TTYH3: variants seen among roughly 807,000 people sequenced by gnomAD.
The protein encoded by TTYH3 is tweety family member 3.
Under a neutral mutation model 68.2 loss-of-function variants are expected in TTYH3, and 23 were observed. The ratio of observed to expected loss-of-function variants is 0.34; its 90% confidence interval spans 0.24 to 0.48. TTYH3 has a LOEUF of 0.48. TTYH3 is among the 20% of genes least tolerant of loss of function. TTYH3 has a pLI of 0.99. For synonymous variants in TTYH3, 360 were observed against 332.8 expected, an observed-to-expected ratio of 1.08 and a Z score of -0.89; for missense variants, 768 against 727.7, an observed-to-expected ratio of 1.06 and a Z score of -0.64.
chr7:2,649,701 G>A (rs1327512288), intron 6 of TTYH3, 62 bp downstream of exon 6: 21 of 1,550,656 alleles, frequency 1.4e-5, no homozygotes, highest in Non-Finnish European at 1.6e-5. Context: ...GAGGGACGAG[G>A]GGAAGCCACA....
chr7:2,661,123 C>T (rs901679035), intron 13 of TTYH3, among the ~76,000 whole-genome samples: 2 of 152,216 alleles, frequency 1.3e-5, no homozygotes, highest in Admixed American at 1.3e-4. Flanking sequence ...AAGGGGCCCT[C>T]CTTCCATGGC....
intron 1 of TTYH3, among the ~76,000 whole-genome samples, chr7:2,640,021 G>T (rs1785793008): frequency 2.0e-5 from 3 of 152,060 alleles, no homozygotes; most frequent in East Asian, 1.9e-4. Flanking sequence ...ACCCGCCCCC[G>T]CTGTGTGACT....
intron 1 of TTYH3, among the ~76,000 whole-genome samples, chr7:2,641,785 C>T (rs904102646): frequency 3.3e-5 from 5 of 152,240 alleles, no homozygotes; most frequent in African/African-American, 1.2e-4. Context: ...GGTGCAGAGG[C>T]CAGGCTGGCC....
chr7:2,658,415 G>T lies in TTYH3; in HGVS notation c.1380G>T (p.Pro460=), dbSNP rs750927932. 6.2e-7 allele frequency: 1 copy of T among 1,612,184 alleles called. No individual in the cohort carries two copies. The highest frequency in any genetic ancestry group is 1.3e-5 in the African/African-American group (1 of 74,924). ...GCTACGGCAGTGAGACCAGCATCCC[G>T]GCCGCGGCCCACACCGTCAGCAACG... is the stretch of plus-strand genomic sequence containing the variant. ...GSSYGSETSI[P]AAAHTVSNAP... is the part of the protein sequence containing the mutation. Residue 460 remains proline, a synonymous_variant, in exon 12 of 14, where the codon CCG becomes CCT. Coordinates refer to ENST00000258796, the MANE Select transcript of TTYH3 (RefSeq NM_025250.3).
chr7:2,638,431 G>A lies in TTYH3; in HGVS notation c.123+6153G>A, dbSNP rs572521103. On this transcript the variant is annotated intron_variant, in intron 1 of 13. Transcript: ENST00000258796. ...GTGCAGGAAAGGGGCCCGGCCTGTGGGGAGACGGGCAGGAGCGGCTCTGAG... is the reference window on the plus strand; with the variant it reads ...GTGCAGGAAAGGGGCCCGGCCTGTGAGGAGACGGGCAGGAGCGGCTCTGAG... Among the ~76,000 whole-genome samples the A allele has an allele frequency of 4.6e-5, 7 of 152,244 alleles. No homozygotes were observed. In the South Asian group the frequency reaches 1.5e-3, roughly 32 times the overall value.
intron 1 of TTYH3, among the ~76,000 whole-genome samples, chr7:2,636,856 C>G (rs1785690109): frequency 6.6e-6 from 1 of 152,102 alleles, no homozygotes; most frequent in Non-Finnish European, 1.5e-5. Context: ...TCAAGGGTTC[C>G]TATATCTGGG....
chr7:2,632,202 A>T lies in TTYH3; in HGVS notation c.47A>T (p.His16Leu). 1.3e-6 allele frequency: 2 copies of T among 1,560,758 alleles called. No individual in the cohort carries two copies. Among genetic ancestry groups the T allele is most frequent in the Non-Finnish European group, 1.7e-6 (2 of 1,152,480 alleles). The change falls in exon 1 of 14, where the codon CAC becomes CTC. Residue 16 changes from histidine to leucine, a missense_variant. By Grantham distance (99) the His-to-Leu change is moderately conservative. Transcript: ENST00000258796. ...GCGCCCTGGTGGGTGAGCCTCCTGCACCGGCTGCCCCACTTCGACCTGAGC... is the reference window on the plus strand; with the variant it reads ...GCGCCCTGGTGGGTGAGCCTCCTGCTCCGGCTGCCCCACTTCGACCTGAGC... ...YAAPWWVSLL[H>L]RLPHFDLSWE...
chr7:2,658,070 C>T (rs1786385248), intron 11 of TTYH3, among the ~76,000 whole-genome samples: 1 of 152,236 alleles, frequency 6.6e-6, no homozygotes, highest in South Asian at 2.1e-4. Flanking sequence ...GCCTGGCACT[C>T]GGGTGACCAC....
chr7:2,654,620 G>A (rs11980948), intron 9 of TTYH3, among the ~76,000 whole-genome samples: 4,638 of 152,198 alleles, frequency 0.03, 240 homozygotes, highest in African/African-American at 0.11. Context: ...CAGCAGCCCA[G>A]ATGGGGCAGC....
intron 11 of TTYH3, 101 bp downstream of exon 11, chr7:2,656,635 A>G (rs926413177): frequency 5.6e-6 from 8 of 1,427,296 alleles, no homozygotes; most frequent in Non-Finnish European, 7.4e-6. Flanking sequence ...CCAGTCCCAG[A>G]GGTGAGGGAC....
chr7:2,649,606 G>A lies in TTYH3; in HGVS notation c.762G>A (p.Trp254Ter). Residue 254 changes from tryptophan (W) to a stop codon, truncating the protein, a stop_gained, in exon 6 of 14, where the codon TGG becomes TGA. Coordinates refer to ENST00000258796, the MANE Select transcript of TTYH3 (RefSeq NM_025250.3). LOFTEE classifies it high-confidence loss of function. Reference sequence around the variant, plus strand: ...GAGTCCTGGCCCTGGTCATCAGCTGGGGCGCGCTGGGCTTGGAGCTGGCTG... The same window carrying A: ...GAGTCCTGGCCCTGGTCATCAGCTGAGGCGCGCTGGGCTTGGAGCTGGCTG... ...LLGVLALVIS[W>*]GALGLELAVS... 1 of 1,598,630 alleles carries A rather than the reference G, an allele frequency of 6.3e-7. No homozygotes were observed.
intron 1 of TTYH3, among the ~76,000 whole-genome samples, chr7:2,640,025 TG>T (rs935315915): frequency 3.9e-5 from 6 of 152,086 alleles, no homozygotes; most frequent in African/African-American, 1.4e-4. Flanking sequence ...GCCCCCGCTG[TG>T]TGACTGTGGA....
intron 1 of TTYH3, among the ~76,000 whole-genome samples, chr7:2,641,571 C>G (rs2114978358): frequency 6.6e-6 from 1 of 152,374 alleles, no homozygotes; most frequent in East Asian, 1.9e-4. Context: ...CGAGCCCTTA[C>G]ATCACTTCCA....
At chr7:2,653,151 G>A (rs998074434) in intron 9 of TTYH3, 141 bp downstream of exon 9, 7 of 684,460 alleles carry the variant, frequency 1.0e-5, no homozygotes, top group Non-Finnish European at 1.7e-5. Context: ...TGTTGGAGGT[G>A]GCATGGGAGG....
At chr7:2,646,819 C>T in intron 1 of TTYH3, 34 bp from the exon 2 acceptor site, 8 of 1,575,062 alleles carry the variant, frequency 5.1e-6, no homozygotes, top group Non-Finnish European at 6.9e-6. Flanking sequence ...GCTGGGGGTC[C>T]ACCCCTCCAG....
intron 1 of TTYH3, among the ~76,000 whole-genome samples, chr7:2,634,873 C>T (rs992666498): frequency 2.0e-5 from 3 of 152,254 alleles, no homozygotes; most frequent in Non-Finnish European, 2.9e-5. Context: ...TCCGGCCCCC[C>T]GAGGAGCCGG....
intron 11 of TTYH3, among the ~76,000 whole-genome samples, chr7:2,657,322 G>A (rs1254447296): frequency 1.3e-5 from 2 of 152,088 alleles, no homozygotes; most frequent in African/African-American, 4.8e-5. Flanking sequence ...TGGTGATGGT[G>A]ATGGTGGTAA....
At chr7:2,638,848 C>G (rs1011216864) in intron 1 of TTYH3, among the ~76,000 whole-genome samples, 6 of 152,282 alleles carry the variant, frequency 3.9e-5, no homozygotes, top group African/African-American at 1.2e-4. Flanking sequence ...GACCCTGGAC[C>G]CCCCACTTGT....
At position 2,663,711 on chromosome 7, in the gene TTYH3, C is replaced by G. The variant is rs1786550881; in HGVS notation, c.*1972C>G. The G allele has an allele frequency of 1.3e-5, 2 of 152,686 alleles. No individual in the cohort carries two copies. The highest frequency in any genetic ancestry group is 2.9e-5 in the Non-Finnish European group (2 of 68,044). 9.5% of individuals were successfully genotyped at this position (152,686 alleles called of 1,614,324 possible). A position where few individuals can be genotyped will look rare whatever the true frequency, so the allele number is the denominator to read the frequency against. On this transcript the variant is annotated 3_prime_UTR_variant, in exon 14 of 14. Coordinates refer to ENST00000258796, the MANE Select transcript of TTYH3 (RefSeq NM_025250.3). ...CTGCGACCGCTCAGAAGCACAAATG[C>G]TGTCCATGGCCGTGAGGCTGCCTGC...
Sources: allele counts gnomAD v4.1 joint callset (sites outside exome capture counted in the v4.1 genomes callset), GRCh38; gene constraint gnomAD v4.1.1; transcripts MANE v1.5; gene names NCBI Gene and HGNC (gene_info 2026-07-23, HGNC 2026-07-21).